The following HEMK2 variants were observed in gnomAD, a reference collection of about 807,000 sequenced individuals.
The protein encoded by HEMK2 is HemK methyltransferase 2, ETF1 glutamine and histone H4 lysine.
chr21:28,683,419 A>G, the HEMK2 span, among the ~76,000 whole-genome samples: 7 of 152,190 alleles, frequency 4.6e-5, no homozygotes, highest in Admixed American at 3.3e-4. Context: ...GTGATGAACA[A>G]CCCAAGTCTT....
At chr21:28,839,000 T>TATATATATATATAC in the HEMK2 span, among the ~76,000 whole-genome samples, 20 of 57,980 alleles carry the variant, frequency 3.4e-4, 1 homozygote, top group South Asian at 5.1e-4. Flanking sequence ...TATATATATA[T>TATATATATATATAC]ACATATATAT....
At chr21:28,782,453 T>C in the HEMK2 span, among the ~76,000 whole-genome samples, 48 of 152,198 alleles carry the variant, frequency 3.2e-4, no homozygotes, top group Admixed American at 2.7e-3. Flanking sequence ...TATACACATA[T>C]AGTTCAGAAA....
At chr21:28,748,022 G>T in the HEMK2 span, among the ~76,000 whole-genome samples, 1 of 152,210 alleles carries the variant, frequency 6.6e-6, no homozygotes, top group Non-Finnish European at 1.5e-5. Flanking sequence ...GAACAGAACA[G>T]CAAATACCAC....
chr21:28,802,425 G>C, the HEMK2 span, among the ~76,000 whole-genome samples: 1 of 152,184 alleles, frequency 6.6e-6, no homozygotes, highest in Non-Finnish European at 1.5e-5. Context: ...GAGCTGGAAT[G>C]GGGAACAGAA....
chr21:28,726,098 A>T, the HEMK2 span, among the ~76,000 whole-genome samples: 1 of 152,190 alleles, frequency 6.6e-6, no homozygotes, highest in African/African-American at 2.4e-5. Flanking sequence ...ACAATAATAT[A>T]CTTGAAATAA....
chr21:28,746,263 T>C, the HEMK2 span, among the ~76,000 whole-genome samples: 2 of 152,250 alleles, frequency 1.3e-5, no homozygotes, highest in Non-Finnish European at 2.9e-5. Flanking sequence ...ACTTCATCAC[T>C]GTAAATATGT....
chr21:28,624,401 G>A, the HEMK2 span, among the ~76,000 whole-genome samples: 1 of 152,168 alleles, frequency 6.6e-6, no homozygotes, highest in Non-Finnish European at 1.5e-5. Flanking sequence ...TAATACATAC[G>A]AAGTGACATT....
chr21:28,598,461 A>G, the HEMK2 span, among the ~76,000 whole-genome samples: 1 of 152,214 alleles, frequency 6.6e-6, no homozygotes, highest in East Asian at 1.9e-4. Flanking sequence ...GGTTGGCAAC[A>G]CATCACATAT....
chr21:28,809,792 T>G, the HEMK2 span, among the ~76,000 whole-genome samples: 1 of 152,182 alleles, frequency 6.6e-6, no homozygotes, highest in Non-Finnish European at 1.5e-5. Context: ...ATAAATATAT[T>G]AATTACAGAG....
At chr21:28,814,328 A>C in the HEMK2 span, among the ~76,000 whole-genome samples, 1 of 149,142 alleles carries the variant, frequency 6.7e-6, no homozygotes, top group Non-Finnish European at 1.5e-5. Flanking sequence ...TGAGCAAGGG[A>C]CTTCATGTCT....
the HEMK2 span, among the ~76,000 whole-genome samples, chr21:28,696,703 C>T: frequency 2.0e-5 from 3 of 152,162 alleles, no homozygotes; most frequent in African/African-American, 7.2e-5. Flanking sequence ...TGGCACTGCC[C>T]TAGCAGAGGT....
chr21:28,866,973 T>TTAA, the HEMK2 span, among the ~76,000 whole-genome samples: 1 of 152,194 alleles, frequency 6.6e-6, no homozygotes, highest in Non-Finnish European at 1.5e-5. Flanking sequence ...CAATACTATA[T>TTAA]TAGACCTACT....
the HEMK2 span, among the ~76,000 whole-genome samples, chr21:28,584,164 CTCTCAAGGGAGTTCTTT>C: frequency 3.9e-5 from 6 of 152,142 alleles, no homozygotes; most frequent in Non-Finnish European, 7.4e-5. Flanking sequence ...TATTAAAATT[CTCTCAAGGGAGTTCTTT>C]TCTTACCCTC....
the HEMK2 span, among the ~76,000 whole-genome samples, chr21:28,884,352 A>G: frequency 6.6e-6 from 1 of 152,228 alleles, no homozygotes; most frequent in African/African-American, 2.4e-5. Context: ...GACATTTTAT[A>G]CTGGAGAAAT....
chr21:28,743,232 G>A, the HEMK2 span: 4 of 152,152 alleles, frequency 2.6e-5, no homozygotes, highest in Admixed American at 1.3e-4. Context: ...ATTTAGAGTA[G>A]ATTAGCATGG....
At chr21:28,693,084 T>G in the HEMK2 span, among the ~76,000 whole-genome samples, 54 of 152,188 alleles carry the variant, frequency 3.5e-4, no homozygotes, top group African/African-American at 1.1e-3. Context: ...TGGTGATGAT[T>G]GCATAACTTC....
chr21:28,783,932 C>T, the HEMK2 span, among the ~76,000 whole-genome samples: 2 of 152,334 alleles, frequency 1.3e-5, no homozygotes, highest in South Asian at 2.1e-4. Context: ...CCAGGTCCCC[C>T]GGCAATGCCA....
At chr21:28,850,699 C>G in the HEMK2 span, among the ~76,000 whole-genome samples, 1 of 152,172 alleles carries the variant, frequency 6.6e-6, no homozygotes, top group Non-Finnish European at 1.5e-5. Flanking sequence ...TTACTGGCCA[C>G]CACAAAAACA....
chr21:28,756,904 A>C, the HEMK2 span, among the ~76,000 whole-genome samples: 26,046 of 152,170 alleles, frequency 0.17, 2,585 homozygotes, highest in East Asian at 0.25. Flanking sequence ...AGATTGATGT[A>C]ATCAATGCTA....
Sources: gnomAD v4.1 joint callset for allele counts (sites outside exome capture counted in the v4.1 genomes callset) on GRCh38, gnomAD v4.1.1 for gene constraint, MANE v1.5 for transcripts, NCBI Gene and HGNC (gene_info 2026-07-23, HGNC 2026-07-21) for gene names.